Variants in COG5 observed in about 807,000 individuals in gnomAD.
COG5 encodes the protein component of oligomeric golgi complex 5.
A neutral mutation model predicts 110.4 loss-of-function variants in COG5; 86 were observed. The ratio of observed to expected loss-of-function variants is 0.78; its 90% CI spans 0.65 to 0.93. The LOEUF is 0.93. Ranked by LOEUF, COG5 falls within the 40% of genes least tolerant of loss-of-function variation. The pLI is 0.00. For missense variants in COG5, 1,077 were observed against 987.0 expected (o/e 1.09, Z -1.22); for synonymous variants, 360 against 334.6 (o/e 1.08, Z -0.83).
chr7:107,315,623 T>C (rs1562964956), intron 11 of COG5, among the ~76,000 whole-genome samples: 2 of 152,042 alleles, frequency 1.3e-5, no homozygotes, highest in Non-Finnish European at 2.9e-5. Flanking sequence ...TATTCCTAAC[T>C]AGGAACATTT....
At chr7:107,557,401 A>T (rs545720351) in intron 2 of COG5, among the ~76,000 whole-genome samples, 92 of 152,362 alleles carry the variant, frequency 6.0e-4, no homozygotes, top group African/African-American at 2.2e-3. Flanking sequence ...GTTATCTACT[A>T]CAGTCTCCTC....
At chr7:107,491,085 A>G (rs1797947469) in intron 6 of COG5, among the ~76,000 whole-genome samples, 1 of 152,060 alleles carries the variant, frequency 6.6e-6, no homozygotes, top group Admixed American at 6.6e-5. Flanking sequence ...TCAATTTCAT[A>G]CTTAGTTTTA....
rs1383246293 is a variant in COG5 at position 107,352,006 on chromosome 7, G to A, written c.1026+10027C>T. 2.1e-5 allele frequency among the ~76,000 whole-genome samples: 3 copies of A among 144,572 alleles called. No homozygotes were observed. The South Asian group carries it at 6.8e-4, about 33-fold the overall frequency. The allele number at this position is 144,572 out of a possible 152,430, so 94.8% of individuals were successfully genotyped here. A position where few individuals can be genotyped will look rare whatever the true frequency, so the allele number is the denominator to read the frequency against. On this transcript the variant is annotated intron_variant, in intron 10 of 21. Coordinates refer to ENST00000297135, the MANE Select transcript of COG5 (RefSeq NM_006348.5). Reference sequence around the variant, plus strand: ...AAATCACGCTGCTATAAAGACACATGCACACATGTTTATTGCGGCACTATT... The same window carrying A: ...AAATCACGCTGCTATAAAGACACATACACACATGTTTATTGCGGCACTATT...
rs1302334256 is a variant in COG5, at chr7:107,204,437, C to A, written c.2376-807G>T. The stretch of plus-strand genomic sequence containing the variant: ...AACCAGATCGTCTGTTTAAGTGGAG[C>A]TAAAAAGAATGGCTACGAGATTAAT... On this transcript the variant is annotated intron_variant, in intron 21 of 21. Transcript: ENST00000297135. Among the ~76,000 whole-genome samples the A allele has an allele frequency of 2.6e-5, 4 of 151,074 alleles. No homozygotes were observed. In the South Asian group the frequency reaches 8.3e-4, roughly 31 times the overall value.
At position 107,227,705 on chromosome 7, in the gene COG5, GC is replaced by G. The variant is rs111823992; in HGVS notation, c.2168+2909del. ...AAACTTAGCACTATTTTTTTTTGGG[GC>G]GGGGGGTGTGGGTGGTGGGCGGTAA... On this transcript the variant is annotated intron_variant, in intron 19 of 21. Transcript: ENST00000297135. Among the ~76,000 whole-genome samples the G allele has an allele frequency of 2.1e-3, 307 of 149,634 alleles. 1 individual carries two copies. The highest frequency in any genetic ancestry group is 3.3e-3 in the Non-Finnish European group (223 of 67,100).
In COG5 at chr7:107,408,980, G is replaced by A. The variant is rs572464839; in HGVS notation, c.669+3522C>T. On this transcript the variant is annotated intron_variant, in intron 7 of 21. Transcript: ENST00000297135. ...ACTAAAACTTGCTAAAGTAAGTTCTGTTCTCTATAAGCAAACTTTAACCAA... is the reference window on the plus strand; with the variant it reads ...ACTAAAACTTGCTAAAGTAAGTTCTATTCTCTATAAGCAAACTTTAACCAA... Among the ~76,000 whole-genome samples, 3 of 152,070 alleles carry A rather than the reference G, an allele frequency of 2.0e-5. No individual in the cohort carries two copies. In the South Asian group the frequency reaches 6.2e-4, roughly 32 times the overall value.
chr7:107,408,887 C>G (rs754387401), intron 7 of COG5, among the ~76,000 whole-genome samples: 2 of 152,140 alleles, frequency 1.3e-5, no homozygotes, highest in Admixed American at 1.3e-4. Context: ...TTCAGTAGTT[C>G]TGAGAGGCTC....
chr7:107,548,456 A>G (rs895549203), intron 3 of COG5, 124 bp from the exon 4 acceptor site: 9 of 870,504 alleles, frequency 1.0e-5, no homozygotes, highest in Non-Finnish European at 1.5e-5. Flanking sequence ...ATCCTAATCC[A>G]AGCAACCAGT....
intron 6 of COG5, among the ~76,000 whole-genome samples, chr7:107,489,502 C>T (rs1797857095): frequency 6.6e-6 from 1 of 152,170 alleles, no homozygotes; most frequent in South Asian, 2.1e-4. Context: ...TTTTGTCTTA[C>T]AGAAGTCTGA....
chr7:107,511,209 G>T, intron 6 of COG5, among the ~76,000 whole-genome samples: 1 of 151,768 alleles, frequency 6.6e-6, no homozygotes, highest in Non-Finnish European at 1.5e-5. Context: ...ATGATAAAGG[G>T]GATATCACCA....
chr7:107,536,837 G>C (rs992689193), intron 5 of COG5, among the ~76,000 whole-genome samples: 6 of 152,158 alleles, frequency 3.9e-5, no homozygotes, highest in African/African-American at 1.2e-4. Flanking sequence ...AAAGCTAGAG[G>C]CATCACACTG....
intron 6 of COG5, among the ~76,000 whole-genome samples, chr7:107,449,776 G>T (rs1795224251): frequency 6.6e-6 from 1 of 152,104 alleles, no homozygotes; most frequent in African/African-American, 2.4e-5. Context: ...AAGGACCACT[G>T]TAAAAAAAGA....
intron 6 of COG5, among the ~76,000 whole-genome samples, chr7:107,466,231 A>G (rs538171053): frequency 1.1e-4 from 16 of 152,310 alleles, no homozygotes; most frequent in African/African-American, 3.8e-4. Flanking sequence ...CATGAAGGTA[A>G]TAATTTGGAC....
chr7:107,553,264 G>A (rs1273004463), intron 3 of COG5, among the ~76,000 whole-genome samples: 1 of 152,090 alleles, frequency 6.6e-6, no homozygotes, highest in Non-Finnish European at 1.5e-5. Flanking sequence ...ACTAATAATA[G>A]TAATTAATTT....
At chr7:107,363,261 C>T (rs1296957871) in intron 8 of COG5, among the ~76,000 whole-genome samples, 1 of 152,036 alleles carries the variant, frequency 6.6e-6, no homozygotes, top group Admixed American at 6.5e-5. Flanking sequence ...AAGCAGGATT[C>T]AGTGGAAAAA....
chr7:107,480,960 C>A (rs1797304642), intron 6 of COG5: 1 of 152,082 alleles, frequency 6.6e-6, no homozygotes, highest in Non-Finnish European at 1.5e-5. Context: ...CGTGTCTCTC[C>A]CATTCTATTC....
intron 5 of COG5, among the ~76,000 whole-genome samples, chr7:107,529,024 TAAAA>T (rs58281094): frequency 3.1e-5 from 3 of 97,842 alleles, no homozygotes; most frequent in African/African-American, 1.5e-4. Context: ...AATACTTAAA[TAAAA>T]AAAAAAAAAA....
chr7:107,201,617 C>G lies in COG5; in HGVS notation c.*1899G>C, dbSNP rs2116048908. 1 of 440,334 alleles carries G rather than the reference C, an allele frequency of 2.3e-6. No individual in the cohort carries two copies. The highest frequency in any genetic ancestry group is 3.5e-5 in the East Asian group (1 of 28,924). 27.3% of individuals were successfully genotyped at this position (440,334 alleles called of 1,614,324 possible). On this transcript the variant is annotated 3_prime_UTR_variant, in exon 22 of 22. Coordinates refer to ENST00000297135, the MANE Select transcript of COG5 (RefSeq NM_006348.5). ...TTGCTTTCTCCATTAGAGCATTAAGCTAAAACTATCAACATTTTAAACCAA... is the reference window on the plus strand; with the variant it reads ...TTGCTTTCTCCATTAGAGCATTAAGGTAAAACTATCAACATTTTAAACCAA...
chr7:107,249,627 A>C (rs1802327115), intron 16 of COG5, among the ~76,000 whole-genome samples: 1 of 151,852 alleles, frequency 6.6e-6, no homozygotes, highest in African/African-American at 2.4e-5. Context: ...AGGACCCTTA[A>C]TCATTAAATT....
Sources: gnomAD v4.1 joint callset for allele counts (sites outside exome capture counted in the v4.1 genomes callset) on GRCh38, gnomAD v4.1.1 for gene constraint, MANE v1.5 for transcripts, NCBI Gene and HGNC (gene_info 2026-07-23, HGNC 2026-07-21) for gene names.